Variants in GALNT15 observed in about 807,000 individuals in gnomAD.
The protein encoded by GALNT15 is polypeptide N-acetylgalactosaminyltransferase 15, also known as UDP-GalNAc transferase T15.
GALNT15 carries 67 observed loss-of-function variants against 66.8 expected under a neutral mutation model. The observed-to-expected ratio is 1.00, with a 90% CI of 0.82 to 1.23. The LOEUF is 1.23. Among genes scored for constraint, GALNT15 ranks in the 50% most tolerant of loss-of-function variants. The pLI, the probability that GALNT15 is intolerant of heterozygous loss-of-function variation, is 0.00. For synonymous variants in GALNT15, 313 were observed against 311.5 expected (o/e 1.00, Z -0.05); for missense variants, 827 against 804.3 (o/e 1.03, Z -0.34).
chr3:16,226,752 A>G (rs2064024475), intron 9 of GALNT15, among the ~76,000 whole-genome samples: 1 of 152,264 alleles, frequency 6.6e-6, no homozygotes. Flanking sequence ...TGAATGATGA[A>G]TAAATAGGCA....
At chr3:16,215,079 A>G (rs1326334984) in intron 6 of GALNT15, among the ~76,000 whole-genome samples, 1 of 152,216 alleles carries the variant, frequency 6.6e-6, no homozygotes, top group East Asian at 1.9e-4. Context: ...TTGATGCGCC[A>G]GACTAACTTT....
rs1240013165 is a variant in GALNT15, at chr3:16,175,222, G to A, written c.71G>A (p.Gly24Glu). 26 of 1,614,070 alleles carry A rather than the reference G, an allele frequency of 1.6e-5. No individual in the cohort carries two copies. Among genetic ancestry groups the A allele is most frequent in the Non-Finnish European group, 2.1e-5 (25 of 1,180,052 alleles). Residue 24 changes from glycine to glutamate, a missense_variant, in exon 1 of 10, where the codon GGA (glycine) becomes GAA (glutamate). By Grantham distance (98) the Gly-to-Glu change is moderately conservative. Coordinates refer to ENST00000339732, the MANE Select transcript of GALNT15 (RefSeq NM_054110.5). The surrounding 1 kb of genome is among the most constrained non-coding windows in gnomAD (Gnocchi z 5.6). Reference protein sequence around the residue: ...LQFLLLLLMLGCVLMMVAMLH... With the variant: ...LQFLLLLLMLECVLMMVAMLH... ...TTCCTCCTGCTGCTCCTGATGCTGG[G>A]ATGCGTCCTGATGATGGTGGCGATG...
Position 16,180,927 on chromosome 3 carries a change from G to A in GALNT15, c.539+5237G>A, listed in dbSNP as rs1470382781. Among the ~76,000 whole-genome samples the A allele has an allele frequency of 6.6e-6, 1 of 152,190 alleles. No individual in the cohort carries two copies. Among genetic ancestry groups the A allele is most frequent in the Admixed American group, 6.5e-5 (1 of 15,276 alleles). ...CCTGTTACTGTGTGACCTTGTACAA[G>A]TCACTCAACCTCTCTGAGCCTCAGT... On this transcript the variant is annotated intron_variant, in intron 1 of 9. Coordinates refer to ENST00000339732, the MANE Select transcript of GALNT15 (RefSeq NM_054110.5). This position sits in a 1 kb window ranked among gnomAD's most constrained non-coding sequence, Gnocchi z 5.0.
Position 16,201,331 on chromosome 3 carries a change from G to A in GALNT15, c.911+508G>A, listed in dbSNP as rs185726568. ...CGAGTAGCTGGGACTACAGGCGCCC[G>A]CCACCACACCCGGCTAATTTTTTGT... is the stretch of plus-strand genomic sequence containing the variant. On this transcript the variant is annotated intron_variant, in intron 3 of 9. Transcript: ENST00000339732. Among the ~76,000 whole-genome samples the A allele has an allele frequency of 2.6e-3, 403 of 152,122 alleles. 1 individual carries two copies. Among genetic ancestry groups the A allele is most frequent in the African/African-American group, 7.3e-3 (305 of 41,500 alleles).
intron 5 of GALNT15, among the ~76,000 whole-genome samples, 180 bp from the exon 6 acceptor site, chr3:16,212,389 C>T (rs1270761998): frequency 6.6e-6 from 1 of 152,124 alleles, no homozygotes; most frequent in Non-Finnish European, 1.5e-5. Flanking sequence ...CCTGTCACTC[C>T]CCTGCCCAGA....
At chr3:16,222,593 A>G (rs772134039) in intron 8 of GALNT15, 22 bp from the exon 9 acceptor site, 3 of 1,614,074 alleles carry the variant, frequency 1.9e-6, no homozygotes, top group Non-Finnish European at 2.5e-6. Context: ...AGCTGCGCTA[A>G]CAACTATTGC....
intron 1 of GALNT15, among the ~76,000 whole-genome samples, chr3:16,178,262 G>A (rs2063431958): frequency 6.6e-6 from 1 of 152,152 alleles, no homozygotes. Context: ...GGTACATTTT[G>A]TGCTGTGTGT....
the GALNT15 span, among the ~76,000 whole-genome samples, chr3:16,244,385 A>G: frequency 6.6e-6 from 1 of 152,358 alleles, no homozygotes; most frequent in East Asian, 1.9e-4. Flanking sequence ...CAGGCATTCC[A>G]GGGGCAGACT....
downstream of GALNT15, among the ~76,000 whole-genome samples, chr3:16,232,483 T>A (rs1372042429): frequency 0.058 from 4,122 of 71,352 alleles, 476 homozygotes; most frequent in Non-Finnish European, 0.064. Context: ...TATATATATA[T>A]ATATATATAT....
chr3:16,198,847 G>A (rs532465967), intron 2 of GALNT15, among the ~76,000 whole-genome samples: 3 of 141,584 alleles, frequency 2.1e-5, no homozygotes, highest in African/African-American at 7.9e-5. Flanking sequence ...TCTCGGGTGG[G>A]GCTGCCTTAA....
chr3:16,232,477 T>A (rs371480702), downstream of GALNT15, among the ~76,000 whole-genome samples: 1,775 of 44,976 alleles, frequency 0.039, 53 homozygotes, highest in African/African-American at 0.08. Context: ...TAAATATATA[T>A]ATATATATAT....
In GALNT15 at chr3:16,222,739, A is replaced by T; in HGVS notation, c.1754A>T (p.Gln585Leu). ...GAGGAAGGCCTGGCCATCCACCAGCAGCACTGGGACTTCCAGGAGGTGAGT... is the reference window on the plus strand; with the variant it reads ...GAGGAAGGCCTGGCCATCCACCAGCTGCACTGGGACTTCCAGGAGGTGAGT... ...CTEEGLAIHQ[Q>L]HWDFQENGMI... is the part of the protein sequence containing the mutation. The change falls in exon 9 of 10, where the codon CAG becomes CTG. Residue 585 changes from glutamine to leucine, a missense_variant. Transcript: ENST00000339732. 4.3e-6 allele frequency: 7 copies of T among 1,614,186 alleles called. No homozygotes were observed. Among genetic ancestry groups the T allele is most frequent in the Non-Finnish European group, 5.9e-6 (7 of 1,180,026 alleles).
chr3:16,212,835 T>C, intron 6 of GALNT15, 72 bp downstream of exon 6: 1 of 1,345,442 alleles, frequency 7.4e-7, no homozygotes, highest in Non-Finnish European at 1.0e-6. Context: ...CAGGGAGGGC[T>C]CCTTTCTCTT....
In GALNT15 at chr3:16,209,743, A is replaced by C. The variant is rs1056610466; in HGVS notation, c.1079+1073A>C. Among the ~76,000 whole-genome samples, 19 of 152,166 alleles carry C rather than the reference A, an allele frequency of 1.2e-4. No individual in the cohort carries two copies. Among genetic ancestry groups the C allele is most frequent in the Non-Finnish European group, 2.6e-4 (18 of 68,016 alleles). ...AGGCTGAGGCACAAGAATCACTGGAACCCAGGAGGCAGAGGTTGCAATGAG... is the reference window on the plus strand; with the variant it reads ...AGGCTGAGGCACAAGAATCACTGGACCCCAGGAGGCAGAGGTTGCAATGAG... On this transcript the variant is annotated intron_variant, in intron 4 of 9. Coordinates refer to ENST00000339732, the MANE Select transcript of GALNT15 (RefSeq NM_054110.5). The surrounding 1 kb of genome is among the most constrained non-coding windows in gnomAD (Gnocchi z 4.1).
chr3:16,247,134 G>GTT, the GALNT15 span, among the ~76,000 whole-genome samples: 1 of 150,838 alleles, frequency 6.6e-6, no homozygotes, highest in Non-Finnish European at 1.5e-5. Flanking sequence ...GTGTGTGTGT[G>GTT]TCTGTTTGTA....
intron 4 of GALNT15, among the ~76,000 whole-genome samples, chr3:16,210,408 A>C (rs2063800407): frequency 6.6e-6 from 1 of 152,238 alleles, no homozygotes; most frequent in African/African-American, 2.4e-5. Context: ...TAATTAAGAA[A>C]AATCTGAACT....
the GALNT15 span, among the ~76,000 whole-genome samples, chr3:16,237,254 C>T: frequency 6.6e-6 from 1 of 152,300 alleles, no homozygotes; most frequent in African/African-American, 2.4e-5. This position sits in a 1 kb window ranked among gnomAD's most constrained non-coding sequence, Gnocchi z 4.2. Context: ...CTATACCAGG[C>T]CAACAAACCT....
chr3:16,212,433 G>T, intron 5 of GALNT15, 136 bp from the exon 6 acceptor site: 1 of 785,164 alleles, frequency 1.3e-6, no homozygotes, highest in Non-Finnish European at 2.0e-6. Context: ...GCCACCCTGA[G>T]GACCATAATC....
intron 8 of GALNT15, among the ~76,000 whole-genome samples, chr3:16,222,045 A>G (rs2063947987): frequency 6.6e-6 from 1 of 152,242 alleles, no homozygotes; most frequent in Non-Finnish European, 1.5e-5. Context: ...AAATGGGTTC[A>G]GGCTGCATCT....
Sources: allele counts gnomAD v4.1 joint callset (sites outside exome capture counted in the v4.1 genomes callset), GRCh38; gene constraint gnomAD v4.1.1; non-coding constraint Gnocchi (gnomAD v3.1); transcripts MANE v1.5; gene names NCBI Gene and HGNC (gene_info 2026-07-23, HGNC 2026-07-21).